Variants in CADPS2 observed in about 807,000 individuals in gnomAD.
CADPS2 encodes the protein calcium-dependent secretion activator 2.
A neutral mutation model predicts 172.5 loss-of-function variants in CADPS2; 93 were observed. The observed-to-expected ratio is 0.54, with a 90% CI of 0.46 to 0.64. The LOEUF is 0.64. Ranked by LOEUF, CADPS2 falls within the 30% of genes least tolerant of loss-of-function variation. CADPS2 has a pLI of 0.00. For synonymous variants in CADPS2, 546 were observed against 555.2 expected (o/e 0.98, Z 0.23); for missense variants, 1,420 against 1,565.9 (o/e 0.91, Z 1.57).
intron 2 of CADPS2, among the ~76,000 whole-genome samples, chr7:122,708,896 T>C (rs1371441590): frequency 6.6e-6 from 1 of 151,872 alleles, no homozygotes; most frequent in Non-Finnish European, 1.5e-5. Flanking sequence ...AAGGAAGAGG[T>C]AAATAGTCTT....
chr7:122,339,050 G>A (rs1402066107), intron 28 of CADPS2: 1 of 151,742 alleles, frequency 6.6e-6, no homozygotes, highest in East Asian at 1.9e-4. Context: ...ATAGGCATGA[G>A]CCATCCTGCC....
At chr7:122,562,563 A>G (rs1041316448) in intron 7 of CADPS2, among the ~76,000 whole-genome samples, 2 of 152,156 alleles carry the variant, frequency 1.3e-5, no homozygotes, top group South Asian at 2.1e-4. Flanking sequence ...ATAAGATAAC[A>G]AATTTATATT....
At chr7:122,817,251 T>G (rs1373187503) in intron 1 of CADPS2, among the ~76,000 whole-genome samples, 1 of 152,158 alleles carries the variant, frequency 6.6e-6, no homozygotes, top group Non-Finnish European at 1.5e-5. Flanking sequence ...CTTTGCTCCA[T>G]GAGAAAGATC....
intron 28 of CADPS2, among the ~76,000 whole-genome samples, chr7:122,343,918 G>A (rs374015148): frequency 1.3e-5 from 2 of 152,156 alleles, no homozygotes; most frequent in East Asian, 1.9e-4. Flanking sequence ...CTGGATGGAT[G>A]ATAATTTTTC....
chr7:122,414,916 C>T (rs2047708195), intron 18 of CADPS2, among the ~76,000 whole-genome samples: 2 of 152,158 alleles, frequency 1.3e-5, no homozygotes, highest in African/African-American at 2.4e-5. Flanking sequence ...TGTGCTTCCT[C>T]AAGAATAAAA....
chr7:122,616,743 A>G (rs1337591738), intron 5 of CADPS2, among the ~76,000 whole-genome samples: 1 of 152,164 alleles, frequency 6.6e-6, no homozygotes, highest in Non-Finnish European at 1.5e-5. Context: ...TTGGGATGAA[A>G]TACTAAATCT....
chr7:122,428,526 G>C (rs1230150427), intron 17 of CADPS2, among the ~76,000 whole-genome samples: 1 of 150,552 alleles, frequency 6.6e-6, no homozygotes, highest in East Asian at 2.0e-4. Flanking sequence ...GGAGTACAGT[G>C]GCGCAATCAC....
At chr7:122,581,311 T>G (rs749407210) in intron 6 of CADPS2, 21 bp from the exon 7 acceptor site, 5 of 1,584,578 alleles carry the variant, frequency 3.2e-6, no homozygotes, top group Non-Finnish European at 4.3e-6. Context: ...GTAAAAAAAA[T>G]GTTTCTTAAA....
At chr7:122,715,096 T>C (rs1481022713) in intron 2 of CADPS2, among the ~76,000 whole-genome samples, 1 of 152,124 alleles carries the variant, frequency 6.6e-6, no homozygotes, top group Admixed American at 6.6e-5. Flanking sequence ...AACAATTCCG[T>C]TTATGGCAAT....
At chr7:122,716,597 G>A (rs1409324003) in intron 2 of CADPS2, among the ~76,000 whole-genome samples, 2 of 152,098 alleles carry the variant, frequency 1.3e-5, no homozygotes, top group Admixed American at 6.6e-5. Flanking sequence ...GTTAATGGGT[G>A]CAGCACACCA....
chr7:122,697,704 AC>A (rs2085334662), intron 2 of CADPS2: 2 of 1,035,460 alleles, frequency 1.9e-6, no homozygotes, highest in African/African-American at 3.2e-5. Context: ...CACAAAAACC[AC>A]ACTTCAAACA....
chr7:122,800,353 T>C (rs531533877), intron 1 of CADPS2, among the ~76,000 whole-genome samples: 2 of 152,300 alleles, frequency 1.3e-5, no homozygotes, highest in Admixed American at 6.5e-5. Context: ...AATACATTAT[T>C]AGAGAGAAAA....
At chr7:122,790,023 TAA>T (rs1794911113) in intron 1 of CADPS2, among the ~76,000 whole-genome samples, 2 of 146,352 alleles carry the variant, frequency 1.4e-5, no homozygotes, top group Admixed American at 6.9e-5. Context: ...AAACAAATAT[TAA>T]GTGTTTTTTT....
At chr7:122,815,184 A>G (rs997830276) in intron 1 of CADPS2, among the ~76,000 whole-genome samples, 2 of 152,170 alleles carry the variant, frequency 1.3e-5, no homozygotes, top group African/African-American at 2.4e-5. Context: ...CCTGCACATC[A>G]TTAAAATTTC....
chr7:122,788,651 A>G (rs1794598276), intron 1 of CADPS2, among the ~76,000 whole-genome samples: 1 of 152,156 alleles, frequency 6.6e-6, no homozygotes, highest in Admixed American at 6.6e-5. Flanking sequence ...TAAGTCAACA[A>G]TCCTGCCTTC....
intron 1 of CADPS2, among the ~76,000 whole-genome samples, chr7:122,773,693 G>A (rs1442850084): frequency 6.6e-6 from 1 of 152,022 alleles, no homozygotes; most frequent in Admixed American, 6.6e-5. Flanking sequence ...TTCAGGCATT[G>A]CTTTAATCAC....
intron 28 of CADPS2, among the ~76,000 whole-genome samples, chr7:122,337,483 T>A (rs986142279): frequency 1.3e-5 from 2 of 152,206 alleles, no homozygotes; most frequent in Non-Finnish European, 1.5e-5. Flanking sequence ...CACTTTCTGG[T>A]TGAGTTTCTT....
chr7:122,505,283 C>CCTGAAGTA (rs1181426201), intron 9 of CADPS2, among the ~76,000 whole-genome samples: 1 of 152,076 alleles, frequency 6.6e-6, no homozygotes, highest in Non-Finnish European at 1.5e-5. Context: ...CTTCACATAA[C>CCTGAAGTA]CTGAAGTACA....
chr7:122,373,486 C>T (rs1011322396), intron 25 of CADPS2, among the ~76,000 whole-genome samples: 1 of 152,112 alleles, frequency 6.6e-6, no homozygotes, highest in African/African-American at 2.4e-5. Context: ...CACAATCTAT[C>T]CTGCCTGTGG....
Sources: gnomAD v4.1 joint callset for allele counts (sites outside exome capture counted in the v4.1 genomes callset) on GRCh38, gnomAD v4.1.1 for gene constraint, MANE v1.5 for transcripts, NCBI Gene and HGNC (gene_info 2026-07-23, HGNC 2026-07-21) for gene names.